The following DENND5B variants were observed in gnomAD, a reference collection of about 807,000 sequenced individuals.
The protein encoded by DENND5B is DENN domain-containing protein 5B.
DENND5B carries 34 observed loss-of-function variants against 140.6 expected under a neutral mutation model. The ratio of observed to expected loss-of-function variants is 0.24; its 90% CI spans 0.18 to 0.32. DENND5B has a LOEUF of 0.32. Among genes scored for constraint, DENND5B ranks in the 10% least tolerant of loss-of-function variants. DENND5B has a pLI of 1.00. For synonymous variants in DENND5B, 551 were observed against 562.1 expected (o/e 0.98, Z 0.28); for missense variants, 1,142 against 1,560.2 (o/e 0.73, Z 4.52).
At chr12:31,392,163 T>C in intron 19 of DENND5B, 104 bp downstream of exon 19, 5 of 1,214,918 alleles carry the variant, frequency 4.1e-6, no homozygotes, top group Non-Finnish European at 5.5e-6. Context: ...AAAAAAAATA[T>C]ATATATCCTT....
At chr12:31,428,342 CAAA>C (rs142549648) in intron 8 of DENND5B, among the ~76,000 whole-genome samples, 2 of 139,090 alleles carry the variant, frequency 1.4e-5, no homozygotes, top group Non-Finnish European at 1.6e-5. Context: ...GACTCCATCT[CAAA>C]AAAAAAAAAA....
intron 4 of DENND5B, among the ~76,000 whole-genome samples, chr12:31,455,616 C>T (rs1245922799): frequency 6.6e-6 from 1 of 152,182 alleles, no homozygotes; most frequent in Non-Finnish European, 1.5e-5. Flanking sequence ...ATAAGTATTA[C>T]ATGATAAAAA....
chr12:31,426,545 T>A, intron 8 of DENND5B, 121 bp from the exon 9 acceptor site: 1 of 1,117,448 alleles, frequency 8.9e-7, no homozygotes, highest in Non-Finnish European at 1.2e-6. Flanking sequence ...TGTATGTGCA[T>A]ATAACAACAA....
chr12:31,523,049 C>CA (rs1565662032), intron 1 of DENND5B, among the ~76,000 whole-genome samples: 4 of 146,058 alleles, frequency 2.7e-5, no homozygotes, highest in Non-Finnish European at 6.0e-5. Flanking sequence ...ATAAATGTGC[C>CA]TTTTTTTTTC....
At chr12:31,407,243 A>C (rs906158017) in intron 14 of DENND5B, among the ~76,000 whole-genome samples, 3 of 151,544 alleles carry the variant, frequency 2.0e-5, no homozygotes, top group Non-Finnish European at 4.4e-5. Flanking sequence ...CAATTCTCCT[A>C]CCTCAGCCTC....
At position 31,452,373 on chromosome 12, in the gene DENND5B, A is replaced by G; in HGVS notation, c.1196T>C (p.Val399Ala). 1.2e-6 allele frequency: 2 copies of G among 1,613,982 alleles called. No homozygotes were observed. The highest frequency in any genetic ancestry group is 1.7e-6 in the Non-Finnish European group (2 of 1,179,902). Residue 399 changes from valine to alanine, a missense_variant, in exon 5 of 21, where the codon GTT (valine) becomes GCT (alanine). By Grantham distance (64) the Val-to-Ala change is moderately conservative. Coordinates refer to ENST00000389082, the MANE Select transcript of DENND5B (RefSeq NM_144973.4). Reference protein sequence around the residue: ...KVDFIQELSEVLVQFGIPPEG... With the variant: ...KVDFIQELSEALVQFGIPPEG... ...AGGAGGGATCCCAAATTGAACAAGA[A>G]CCTCAGAGAGTTCTTGGATAAAATC... is the stretch of plus-strand genomic sequence containing the variant.
rs1003499003 is a variant in DENND5B, at chr12:31,423,475, A to G, written c.2470+122T>C. 4.1e-6 allele frequency: 4 copies of G among 981,044 alleles called. No homozygotes were observed. The African/African-American group carries it at 6.5e-5, about 16-fold the overall frequency. 60.8% of individuals were successfully genotyped at this position (981,044 alleles called of 1,614,324 possible). On this transcript the variant is annotated intron_variant, in intron 11 of 20. Transcript: ENST00000389082. ...TAAGTAATATTGCTCCTTCTACTTT[A>G]TCCCATTATTGGCAAAATGAGTAAA...
intron 5 of DENND5B, among the ~76,000 whole-genome samples, chr12:31,448,325 C>CG (rs1261455323): frequency 6.6e-6 from 1 of 151,648 alleles, no homozygotes; most frequent in Non-Finnish European, 1.5e-5. Flanking sequence ...TTAGTAGAGA[C>CG]GGGGTTTCAC....
At chr12:31,543,122 C>T (rs1948743787) in intron 1 of DENND5B, among the ~76,000 whole-genome samples, 2 of 152,142 alleles carry the variant, frequency 1.3e-5, no homozygotes, top group African/African-American at 4.8e-5. Context: ...GCAGGAGGAT[C>T]CCTTGACTCC....
intron 1 of DENND5B, among the ~76,000 whole-genome samples, chr12:31,575,869 G>A (rs1366949246): frequency 1.3e-5 from 2 of 152,162 alleles, no homozygotes; most frequent in African/African-American, 2.4e-5. Context: ...GGGAGGCTGA[G>A]GCATGAGAAT....
chr12:31,526,614 T>C (rs1055853003), intron 1 of DENND5B, among the ~76,000 whole-genome samples: 6 of 152,150 alleles, frequency 3.9e-5, no homozygotes, highest in African/African-American at 1.4e-4. Context: ...TAGGGGAGAC[T>C]AAAGAGACAT....
At position 31,499,583 on chromosome 12, in the gene DENND5B, C is replaced by G. The variant is rs74759331; in HGVS notation, c.128-3664G>C. On this transcript the variant is annotated intron_variant, in intron 1 of 20. Transcript: ENST00000389082. ...AAATAATGATTTATAATAGCCCATC[C>G]TTGTTCTTAATTTTATTTTTACCTG... 6,102 of 1,474,990 alleles carry G rather than the reference C, an allele frequency of 4.1e-3. 228 individuals carry two copies. In the African/African-American group the frequency reaches 0.078, roughly 19 times the overall value. The allele number at this position is 1,474,990 out of a possible 1,614,324, so 91.4% of individuals were successfully genotyped here. A position where few individuals can be genotyped will look rare whatever the true frequency, so the allele number is the denominator to read the frequency against.
At chr12:31,390,269 A>G (rs539846444) in intron 19 of DENND5B, among the ~76,000 whole-genome samples, 1 of 152,344 alleles carries the variant, frequency 6.6e-6, no homozygotes, top group Admixed American at 6.5e-5. Context: ...TTTGGTAGCC[A>G]CAAGTGGCTC....
intron 2 of DENND5B, among the ~76,000 whole-genome samples, chr12:31,488,467 C>T (rs1160466834): frequency 6.6e-6 from 1 of 152,136 alleles, no homozygotes; most frequent in Non-Finnish European, 1.5e-5. Context: ...CACATTCAAA[C>T]ATTTACAGAA....
intron 2 of DENND5B, 132 bp from the exon 3 acceptor site, chr12:31,480,387 C>G: frequency 2.5e-6 from 2 of 808,092 alleles, no homozygotes; most frequent in Non-Finnish European, 3.6e-6. Context: ...TCGCAATAGC[C>G]TTAAATTAGA....
intron 11 of DENND5B, among the ~76,000 whole-genome samples, chr12:31,420,323 G>C (rs1367924760): frequency 6.6e-6 from 1 of 152,000 alleles, no homozygotes; most frequent in African/African-American, 2.4e-5. Context: ...TTTTTGTAGA[G>C]ACTGGGTCTC....
intron 1 of DENND5B, among the ~76,000 whole-genome samples, chr12:31,497,366 T>C (rs1946799141): frequency 6.6e-6 from 1 of 152,222 alleles, no homozygotes; most frequent in Non-Finnish European, 1.5e-5. Flanking sequence ...CATACTTCCA[T>C]CTTCTAAGAG....
Position 31,492,057 on chromosome 12 carries a change from C to T in DENND5B, c.237+3753G>A, listed in dbSNP as rs144832110. Among the ~76,000 whole-genome samples the T allele has an allele frequency of 3.2e-3, 494 of 152,240 alleles. 5 individuals are homozygous for T. Among genetic ancestry groups the T allele is most frequent in the African/African-American group, 0.011 (463 of 41,542 alleles). On this transcript the variant is annotated intron_variant, in intron 2 of 20. Coordinates refer to ENST00000389082, the MANE Select transcript of DENND5B (RefSeq NM_144973.4). Reference sequence around the variant, plus strand: ...AGGCAGTAAATCTGTGACCCGAATGCAAACTACTTTAATGGGATGCTTTTC... The same window carrying T: ...AGGCAGTAAATCTGTGACCCGAATGTAAACTACTTTAATGGGATGCTTTTC...
At chr12:31,581,692 T>TC (rs1950213410) in intron 1 of DENND5B, among the ~76,000 whole-genome samples, 3 of 31,110 alleles carry the variant, frequency 9.6e-5, no homozygotes, top group East Asian at 1.1e-3. Context: ...AAACTCTGTC[T>TC]CAAAAAAAAA....
Sources: allele counts gnomAD v4.1 joint callset (sites outside exome capture counted in the v4.1 genomes callset), GRCh38; gene constraint gnomAD v4.1.1; transcripts MANE v1.5; gene names NCBI Gene and HGNC (gene_info 2026-07-23, HGNC 2026-07-21).